Variants in WDR25 observed in about 807,000 individuals in gnomAD.
WDR25 encodes WD repeat domain 25.
In WDR25, 35 loss-of-function variants were observed where a neutral mutation model predicts 47.7. The ratio of observed to expected loss-of-function variants is 0.73; its 90% CI spans 0.56 to 0.97. WDR25 has a LOEUF of 0.97. Among genes scored for constraint, WDR25 ranks in the 50% least tolerant of loss-of-function variants. WDR25 has a pLI of 0.00. For missense variants in WDR25, 634 were observed against 704.7 expected, an observed-to-expected ratio of 0.90 and a Z score of 1.14; for synonymous variants, 248 against 278.9, an observed-to-expected ratio of 0.89 and a Z score of 1.10.
intron 2 of WDR25, among the ~76,000 whole-genome samples, chr14:100,416,200 C>G (rs1431452125): frequency 6.6e-6 from 1 of 152,182 alleles, no homozygotes; most frequent in Non-Finnish European, 1.5e-5. Context: ...TTTGGTTTCT[C>G]CCTGTGAAGG....
At chr14:100,510,077 C>T (rs1028375862) in intron 4 of WDR25, among the ~76,000 whole-genome samples, 3 of 151,758 alleles carry the variant, frequency 2.0e-5, no homozygotes, top group African/African-American at 7.3e-5. Flanking sequence ...TCGAGACCAG[C>T]CTGGCCAACA....
intron 2 of WDR25, among the ~76,000 whole-genome samples, chr14:100,456,382 A>C (rs1899203696): frequency 6.6e-6 from 1 of 152,004 alleles, no homozygotes; most frequent in Non-Finnish European, 1.5e-5. Context: ...GCAAAGAAGT[A>C]AAAAAAATAT....
chr14:100,408,032 G>T (rs1020076973), intron 2 of WDR25, among the ~76,000 whole-genome samples: 2 of 152,152 alleles, frequency 1.3e-5, no homozygotes, highest in Non-Finnish European at 2.9e-5. Context: ...GGGGGCGGGG[G>T]TTGGGATGGA....
intron 2 of WDR25, among the ~76,000 whole-genome samples, chr14:100,396,101 C>T (rs757801059): frequency 8.6e-5 from 13 of 151,928 alleles, no homozygotes; most frequent in African/African-American, 1.2e-4. Context: ...CTCAGCCTCC[C>T]GAGGAGCTGG....
intron 2 of WDR25, among the ~76,000 whole-genome samples, chr14:100,420,407 T>A (rs2140210892): frequency 6.6e-6 from 1 of 152,360 alleles, no homozygotes; most frequent in East Asian, 1.9e-4. Context: ...TTCAGGATAG[T>A]CATCTTCTAT....
chr14:100,416,687 C>T (rs1006074117), intron 2 of WDR25, among the ~76,000 whole-genome samples: 2 of 152,178 alleles, frequency 1.3e-5, no homozygotes, highest in African/African-American at 4.8e-5. Context: ...GCAGTGTGGC[C>T]TGTGTTGCTG....
chr14:100,420,266 C>T (rs1317138943), intron 2 of WDR25, among the ~76,000 whole-genome samples: 1 of 152,264 alleles, frequency 6.6e-6, no homozygotes, highest in African/African-American at 2.4e-5. Flanking sequence ...TCCAGGCCCA[C>T]AGCAAGTAAC....
At chr14:100,462,606 A>G (rs1474063377) in intron 2 of WDR25, among the ~76,000 whole-genome samples, 1 of 152,218 alleles carries the variant, frequency 6.6e-6, no homozygotes, top group Non-Finnish European at 1.5e-5. Flanking sequence ...GGAGCTTGTC[A>G]GACGATTTAC....
At position 100,378,850 on chromosome 14, in the gene WDR25, T is replaced by C. The variant is rs1896798294; in HGVS notation, c.-15-2060T>C. ...GCGGGCGCCTGTAGTCCCAGCTACTTGGGAGGCTGAGGCAGGAGAATGGCG... is the reference window on the plus strand; with the variant it reads ...GCGGGCGCCTGTAGTCCCAGCTACTCGGGAGGCTGAGGCAGGAGAATGGCG... On this transcript the variant is annotated intron_variant, in intron 1 of 6. Coordinates refer to ENST00000402312, the MANE Select transcript of WDR25 (RefSeq NM_001161476.3). 3.4e-5 allele frequency among the ~76,000 whole-genome samples: 2 copies of C among 59,540 alleles called. 1 individual carries two copies. The highest frequency in any genetic ancestry group is 9.5e-5 in the Non-Finnish European group (2 of 21,126). 39.1% of individuals were successfully genotyped at this position (59,540 alleles called of 152,430 possible). A position where few individuals can be genotyped will look rare whatever the true frequency, so the allele number is the denominator to read the frequency against.
intron 4 of WDR25, among the ~76,000 whole-genome samples, chr14:100,507,560 G>T (rs1470885774): frequency 6.6e-6 from 1 of 151,428 alleles, no homozygotes; most frequent in African/African-American, 2.4e-5. Flanking sequence ...CTATTTGTTT[G>T]TGTCGTTTAT....
chr14:100,529,762 C>T lies in WDR25; in HGVS notation c.1414-58C>T. On this transcript the variant is annotated intron_variant, in intron 6 of 6. Coordinates refer to ENST00000402312, the MANE Select transcript of WDR25 (RefSeq NM_001161476.3). This position sits in a 1 kb window ranked among gnomAD's most constrained non-coding sequence, Gnocchi z 5.1. ...TCAGCCTGCTCCTCTGTAGAATGGG[C>T]ATACTCACCCCGGCTTGACAGGTGC... The T allele has an allele frequency of 1.3e-6, 2 of 1,553,486 alleles. No homozygotes were observed. The highest frequency in any genetic ancestry group is 2.4e-5 in the South Asian group (2 of 84,266).
At chr14:100,483,627 C>G (rs886406915) in intron 3 of WDR25, among the ~76,000 whole-genome samples, 1 of 152,344 alleles carries the variant, frequency 6.6e-6, no homozygotes, top group Admixed American at 6.5e-5. Flanking sequence ...GGAAATGTTC[C>G]ATGACCTCCC....
intron 1 of WDR25, among the ~76,000 whole-genome samples, chr14:100,379,222 A>C (rs901237286): frequency 6.6e-6 from 1 of 152,118 alleles, no homozygotes; most frequent in African/African-American, 2.4e-5. Context: ...CATCTAGCAA[A>C]CATATGCTAG....
chr14:100,467,387 G>A (rs59617037), intron 2 of WDR25, among the ~76,000 whole-genome samples: 223 of 152,334 alleles, frequency 1.5e-3, no homozygotes, highest in African/African-American at 4.8e-3. Context: ...ACGCAGGTGA[G>A]CCTGGGATAG....
chr14:100,465,078 C>T (rs2140292135), intron 2 of WDR25, among the ~76,000 whole-genome samples: 1 of 152,216 alleles, frequency 6.6e-6, no homozygotes, highest in East Asian at 1.9e-4. Flanking sequence ...CCTTTCCCTC[C>T]CTTCCTAGGA....
chr14:100,392,866 C>T lies in WDR25; in HGVS notation c.822+11120C>T, dbSNP rs1360658949. Among the ~76,000 whole-genome samples, 1 of 152,184 alleles carries T rather than the reference C, an allele frequency of 6.6e-6. No individual in the cohort carries two copies. Among genetic ancestry groups the T allele is most frequent in the Non-Finnish European group, 1.5e-5 (1 of 68,040 alleles). On this transcript the variant is annotated intron_variant, in intron 2 of 6. Transcript: ENST00000402312. This position sits in a 1 kb window ranked among gnomAD's most constrained non-coding sequence, Gnocchi z 4.2. ...CCCTTTTCTGTTGGATTATTTCTTTCGGATTGATTCCCAGAAGTGGGACTG... is the reference window on the plus strand; with the variant it reads ...CCCTTTTCTGTTGGATTATTTCTTTTGGATTGATTCCCAGAAGTGGGACTG...
At position 100,506,647 on chromosome 14, in the gene WDR25, G is replaced by T. The variant is rs551238120; in HGVS notation, c.1102-19223G>T. 6.6e-5 allele frequency among the ~76,000 whole-genome samples: 10 copies of T among 152,032 alleles called. No individual in the cohort carries two copies. Among genetic ancestry groups the T allele is most frequent in the Non-Finnish European group, 1.5e-4 (10 of 67,994 alleles). Reference sequence around the variant, plus strand: ...AGTTATCTCATTGTGATTTTGATTTGCATTTCTCTGCTGACTAGTGATGTT... The same window carrying T: ...AGTTATCTCATTGTGATTTTGATTTTCATTTCTCTGCTGACTAGTGATGTT... On this transcript the variant is annotated intron_variant, in intron 4 of 6. Transcript: ENST00000402312. This position sits in a 1 kb window ranked among gnomAD's most constrained non-coding sequence, Gnocchi z 4.8.
intron 5 of WDR25, among the ~76,000 whole-genome samples, chr14:100,527,059 T>A (rs1595091314): frequency 7.9e-6 from 1 of 126,310 alleles, no homozygotes; most frequent in Non-Finnish European, 1.8e-5. Context: ...ACCACCACCA[T>A]CTCCGTCACT....
In WDR25 at chr14:100,425,031, C is replaced by T. The variant is rs1339761409; in HGVS notation, c.823-42990C>T. ...TTCATCCACACCTTCCTGGCCCAGG[C>T]TACCATCATATCTTGCCAAGACAAG... On this transcript the variant is annotated intron_variant, in intron 2 of 6. Coordinates refer to ENST00000402312, the MANE Select transcript of WDR25 (RefSeq NM_001161476.3). This position sits in a 1 kb window ranked among gnomAD's most constrained non-coding sequence, Gnocchi z 4.8. 6.6e-6 allele frequency among the ~76,000 whole-genome samples: 1 copy of T among 152,196 alleles called. No homozygotes were observed. Among genetic ancestry groups the T allele is most frequent in the Non-Finnish European group, 1.5e-5 (1 of 68,038 alleles).
Sources: gnomAD v4.1 joint callset for allele counts (sites outside exome capture counted in the v4.1 genomes callset) on GRCh38, gnomAD v4.1.1 for gene constraint, Gnocchi (gnomAD v3.1) non-coding constraint, MANE v1.5 for transcripts, NCBI Gene and HGNC (gene_info 2026-07-23, HGNC 2026-07-21) for gene names.